The following NF2 variants were observed in gnomAD, a reference collection of about 807,000 sequenced individuals.
NF2 encodes merlin.
In NF2, 8 loss-of-function variants were observed where a neutral mutation model predicts 83.7. The observed-to-expected ratio is 0.10, with a 90% CI of 0.06 to 0.17. The LOEUF is 0.17. Among genes scored for constraint, NF2 ranks in the 10% least tolerant of loss-of-function variants. The pLI is 1.00. For missense variants in NF2, 533 were observed against 744.4 expected (o/e 0.72, Z 3.31); for synonymous variants, 266 against 269.6 (o/e 0.99, Z 0.13).
At chr22:29,655,923 C>T (rs1309986548) in intron 6 of NF2, among the ~76,000 whole-genome samples, 1 of 151,652 alleles carries the variant, frequency 6.6e-6, no homozygotes, top group Admixed American at 6.6e-5. Context: ...CCTGTACTCA[C>T]TGGTAATTAA....
At chr22:29,643,652 T>A (rs1244677083) in intron 4 of NF2, among the ~76,000 whole-genome samples, 4 of 152,202 alleles carry the variant, frequency 2.6e-5, no homozygotes, top group Non-Finnish European at 5.9e-5. Flanking sequence ...GAATTTTTCT[T>A]AGTACAGAAC....
chr22:29,649,829 A>C (rs924019915), intron 4 of NF2, among the ~76,000 whole-genome samples: 11 of 152,060 alleles, frequency 7.2e-5, no homozygotes, highest in African/African-American at 2.7e-4. Flanking sequence ...ATAGCACAAC[A>C]GGGTGACTAT....
intron 15 of NF2, among the ~76,000 whole-genome samples, chr22:29,692,554 A>T (rs2067434728): frequency 6.6e-6 from 1 of 152,174 alleles, no homozygotes; most frequent in Non-Finnish European, 1.5e-5. Context: ...CCAACATTGC[A>T]CAAATGGGCA....
At chr22:29,692,129 G>A (rs1428476616) in intron 15 of NF2, among the ~76,000 whole-genome samples, 1 of 152,108 alleles carries the variant, frequency 6.6e-6, no homozygotes, top group Non-Finnish European at 1.5e-5. Context: ...CAGGGCCCTC[G>A]GGCAGCAGCC....
intron 13 of NF2, among the ~76,000 whole-genome samples, chr22:29,677,385 A>G (rs527363767): frequency 1.3e-5 from 2 of 152,118 alleles, no homozygotes; most frequent in Admixed American, 1.3e-4. Flanking sequence ...GGAAGGCAGT[A>G]GTCCAGGGGA....
intron 15 of NF2, among the ~76,000 whole-genome samples, chr22:29,687,501 G>A (rs146301996): frequency 1.5e-4 from 23 of 152,292 alleles, no homozygotes; most frequent in African/African-American, 5.3e-4. Context: ...TTGCATATGC[G>A]GGAAAGGTGT....
chr22:29,660,621 G>A (rs2066450246), intron 7 of NF2, among the ~76,000 whole-genome samples: 1 of 152,168 alleles, frequency 6.6e-6, no homozygotes, highest in African/African-American at 2.4e-5. Context: ...CCAGGCTGGA[G>A]TGCCGGGGCA....
At chr22:29,629,773 C>T (rs989843904) in intron 1 of NF2, among the ~76,000 whole-genome samples, 4 of 152,184 alleles carry the variant, frequency 2.6e-5, no homozygotes, top group Non-Finnish European at 2.9e-5. Context: ...AGGAGACAGC[C>T]GTTGAAACGG....
chr22:29,654,268 T>G (rs1365235442), intron 4 of NF2, among the ~76,000 whole-genome samples: 4 of 152,256 alleles, frequency 2.6e-5, no homozygotes, highest in African/African-American at 9.6e-5. Context: ...CAGTCACTTA[T>G]AAGAATTTAT....
At chr22:29,661,727 C>T (rs1266749021) in intron 8 of NF2, among the ~76,000 whole-genome samples, 1 of 152,194 alleles carries the variant, frequency 6.6e-6, no homozygotes, top group Non-Finnish European at 1.5e-5. Context: ...GCAATCCTTC[C>T]ACCTCAGCCT....
At chr22:29,682,937 A>C in intron 15 of NF2, 2 of 1,533,506 alleles carry the variant, frequency 1.3e-6, no homozygotes, top group East Asian at 4.5e-5. Context: ...GGCCTATCCA[A>C]GCATTTTGCA....
At chr22:29,687,681 T>C (rs767248310) in intron 15 of NF2, among the ~76,000 whole-genome samples, 6 of 152,074 alleles carry the variant, frequency 3.9e-5, no homozygotes, top group Non-Finnish European at 5.9e-5. Context: ...GAACTGGGCG[T>C]TGTATGGTAG....
chr22:29,626,570 CAG>C (rs1386394149), intron 1 of NF2, among the ~76,000 whole-genome samples: 1 of 152,152 alleles, frequency 6.6e-6, no homozygotes, highest in Non-Finnish European at 1.5e-5. Flanking sequence ...AAGCTAGAAA[CAG>C]AGAATATTCA....
chr22:29,604,241 T>A, intron 1 of NF2, 129 bp downstream of exon 1: 1 of 752,854 alleles, frequency 1.3e-6, no homozygotes, highest in Non-Finnish European at 2.3e-6. Context: ...GCCCAAAACC[T>A]CATGTTAAAG....
At chr22:29,615,325 C>A (rs1338518504) in intron 1 of NF2, among the ~76,000 whole-genome samples, 1 of 152,218 alleles carries the variant, frequency 6.6e-6, no homozygotes, top group Non-Finnish European at 1.5e-5. Context: ...GTAATTCCTG[C>A]ACTTTGGGAG....
In NF2 at chr22:29,694,470, G is replaced by T. The variant is rs934800480; in HGVS notation, c.1738-282G>T. Among the ~76,000 whole-genome samples the T allele has an allele frequency of 4.6e-5, 7 of 152,194 alleles. No homozygotes were observed. In the East Asian group the frequency reaches 7.7e-4, roughly 17 times the overall value. On this transcript the variant is annotated intron_variant, in intron 15 of 15. Coordinates refer to ENST00000338641, the MANE Select transcript of NF2 (RefSeq NM_000268.4). The surrounding 1 kb of genome is among the most constrained non-coding windows in gnomAD (Gnocchi z 4.1). ...TCTATTAAAATAGGCAGGGATCTCC[G>T]GTCCTCTGTCAAGAGGCAATGCTGA...
chr22:29,686,828 G>C (rs1376398602), intron 15 of NF2, among the ~76,000 whole-genome samples: 2 of 152,094 alleles, frequency 1.3e-5, no homozygotes, highest in Admixed American at 1.3e-4. Flanking sequence ...GCGATCAAAA[G>C]CCGCCCTGGG....
chr22:29,658,776 G>C (rs1382294452), intron 7 of NF2, among the ~76,000 whole-genome samples: 1 of 152,118 alleles, frequency 6.6e-6, no homozygotes, highest in Non-Finnish European at 1.5e-5. Context: ...CTTCTGCAGG[G>C]AGAGGCATTT....
At chr22:29,633,159 A>T (rs1453507121) in intron 1 of NF2, among the ~76,000 whole-genome samples, 4 of 152,160 alleles carry the variant, frequency 2.6e-5, no homozygotes, top group Non-Finnish European at 5.9e-5. Flanking sequence ...AAACAGAAAG[A>T]CTTCTTAATT....
Sources: allele counts gnomAD v4.1 joint callset (sites outside exome capture counted in the v4.1 genomes callset), GRCh38; gene constraint gnomAD v4.1.1; non-coding constraint Gnocchi (gnomAD v3.1); transcripts MANE v1.5; gene names NCBI Gene and HGNC (gene_info 2026-07-23, HGNC 2026-07-21).